Variants in CCM2L observed in about 807,000 individuals in gnomAD.
The protein encoded by CCM2L is cerebral cavernous malformations 2 protein-like.
Under a neutral mutation model 54.1 loss-of-function variants are expected in CCM2L, and 36 were observed. That is an observed-to-expected ratio of 0.67 (90% CI 0.51 to 0.88). The LOEUF (loss-of-function observed/expected upper bound fraction) is 0.88. CCM2L is among the 40% of genes least tolerant of loss of function. CCM2L has a pLI of 0.00. For missense variants in CCM2L, 700 were observed against 812.1 expected (o/e 0.86, Z 1.68); for synonymous variants, 351 against 359.3 (o/e 0.98, Z 0.26).
In CCM2L at chr20:32,018,135, G is replaced by C; in HGVS notation, c.439G>C (p.Ala147Pro). The C allele has an allele frequency of 6.3e-7, 1 of 1,575,088 alleles. No homozygotes were observed. Among genetic ancestry groups the C allele is most frequent in the Non-Finnish European group, 8.6e-7 (1 of 1,160,800 alleles). ...IAAASYLQDD[A>P]LHLLVLKTGL... ...CGCCGCCTCCTACCTGCAGGACGACGCGCTGCACCTGCTAGTGCTCAAGAC... is the reference window on the plus strand; with the variant it reads ...CGCCGCCTCCTACCTGCAGGACGACCCGCTGCACCTGCTAGTGCTCAAGAC... Residue 147 changes from alanine to proline, a missense_variant, in exon 4 of 10, where the codon GCG becomes CCG. Ala to Pro is a conservative substitution (Grantham distance 27). Transcript: ENST00000452892.
At chr20:32,015,465 G>A (rs2064733589) in intron 2 of CCM2L, among the ~76,000 whole-genome samples, 1 of 152,200 alleles carries the variant, frequency 6.6e-6, no homozygotes. Flanking sequence ...GGTAAAGGAA[G>A]GCAAAGGTTT....
At chr20:32,028,949 G>T (rs1469811374) in intron 7 of CCM2L, 46 bp from the exon 8 acceptor site, 2 of 1,610,450 alleles carry the variant, frequency 1.2e-6, no homozygotes, top group Non-Finnish European at 1.7e-6. Flanking sequence ...CTGAGGGCCA[G>T]GAGCTGGAGG....
intron 2 of CCM2L, among the ~76,000 whole-genome samples, chr20:32,015,856 C>CTTTTTT (rs1275720098): frequency 1.1e-5 from 1 of 95,156 alleles, no homozygotes; most frequent in Non-Finnish European, 2.0e-5. Flanking sequence ...AGGAGCTGTA[C>CTTTTTT]TTCTTTTTTT....
In CCM2L at chr20:32,019,331, C is replaced by T. The variant is rs750170622; in HGVS notation, c.855C>T (p.Pro285=). ...GAGGCAGCTGGGAGCGGCGCCACCC[C>T]GGCCCCAACCCGCTCGACCCGCAGG... ...GGGGSWERRH[P]GPNPLDPQDP... The change falls in exon 5 of 10, where the codon CCC becomes CCT. Residue 285 remains proline, a synonymous_variant. Transcript: ENST00000452892. The T allele has an allele frequency of 1.4e-6, 2 of 1,414,810 alleles. No individual in the cohort carries two copies. Among genetic ancestry groups the T allele is most frequent in the Non-Finnish European group, 1.8e-6 (2 of 1,083,338 alleles). 87.6% of individuals were successfully genotyped at this position (1,414,810 alleles called of 1,614,324 possible).
At chr20:32,010,915 C>T (rs1401445399) in intron 1 of CCM2L, among the ~76,000 whole-genome samples, 1 of 152,158 alleles carries the variant, frequency 6.6e-6, no homozygotes. Flanking sequence ...CCTACACAGG[C>T]TTGAGTCTCC....
chr20:32,016,553 G>A (rs925341897), intron 2 of CCM2L, among the ~76,000 whole-genome samples: 3 of 152,108 alleles, frequency 2.0e-5, no homozygotes, highest in Non-Finnish European at 4.4e-5. Flanking sequence ...CTACTGGGGA[G>A]GCTGAGGCAG....
At chr20:32,018,482 C>T (rs866173997) in intron 4 of CCM2L, among the ~76,000 whole-genome samples, 1 of 151,396 alleles carries the variant, frequency 6.6e-6, no homozygotes, top group Admixed American at 6.6e-5. Context: ...GGGCTGGATC[C>T]GCAGTTACCA....
At chr20:32,030,938 G>A in intron 9 of CCM2L, 63 bp from the exon 10 acceptor site, 2 of 1,259,896 alleles carry the variant, frequency 1.6e-6, no homozygotes, top group South Asian at 1.3e-5. Flanking sequence ...CAGAGAGGAC[G>A]CTTCCCCTGT....
Position 32,031,122 on chromosome 20 carries a change from C to G in CCM2L, c.1524C>G (p.Ser508Arg). 4 of 1,304,212 alleles carry G rather than the reference C, an allele frequency of 3.1e-6. No homozygotes were observed. The highest frequency in any genetic ancestry group is 4.0e-6 in the Non-Finnish European group (4 of 988,962). 80.8% of individuals were successfully genotyped at this position (1,304,212 alleles called of 1,614,324 possible). A position where few individuals can be genotyped will look rare whatever the true frequency, so the allele number is the denominator to read the frequency against. The part of the protein sequence containing the change: ...DSFGRIKRSM[S>R]STSASAVRSY... ...TCGGCCGCATCAAGCGCAGCATGAG[C>G]TCCACGTCGGCCTCCGCAGTGCGCA... Residue 508 changes from serine to arginine, a missense_variant, in exon 10 of 10, where the codon AGC becomes AGG. Ser to Arg is a moderately radical substitution (Grantham distance 110). Coordinates refer to ENST00000452892, the MANE Select transcript of CCM2L (RefSeq NM_001365692.1).
At chr20:32,012,653 G>A (rs2064704376) in intron 1 of CCM2L, among the ~76,000 whole-genome samples, 1 of 152,132 alleles carries the variant, frequency 6.6e-6, no homozygotes, top group Non-Finnish European at 1.5e-5. Flanking sequence ...CAACCCAACT[G>A]TACTGAATCA....
At chr20:32,024,910 TGATCAGA>T (rs1277635892) in intron 6 of CCM2L, among the ~76,000 whole-genome samples, 2 of 152,194 alleles carry the variant, frequency 1.3e-5, no homozygotes, top group Non-Finnish European at 2.9e-5. Context: ...GAAGCAACAC[TGATCAGA>T]GATCAGAAAT....
chr20:32,023,278 T>G (rs1396179351), intron 6 of CCM2L, among the ~76,000 whole-genome samples: 2 of 152,230 alleles, frequency 1.3e-5, no homozygotes, highest in South Asian at 2.1e-4. Context: ...CCATCAGTTT[T>G]CATGATGATC....
At chr20:32,024,939 T>A (rs2122356249) in intron 6 of CCM2L, among the ~76,000 whole-genome samples, 1 of 152,364 alleles carries the variant, frequency 6.6e-6, no homozygotes, top group Admixed American at 6.5e-5. Flanking sequence ...GTAGGGCTAA[T>A]AACCAGCTAA....
intron 2 of CCM2L, 86 bp from the exon 3 acceptor site, chr20:32,017,714 C>G: frequency 9.9e-7 from 1 of 1,010,456 alleles, no homozygotes; most frequent in Admixed American, 1.7e-5. Flanking sequence ...TCAATCTATC[C>G]GCACTGCATC....
Position 32,012,728 on chromosome 20 carries a change from C to T in CCM2L, c.31-2176C>T, listed in dbSNP as rs574355521. On this transcript the variant is annotated intron_variant, in intron 1 of 9. Transcript: ENST00000452892. ...GGTCATTTATCACAAGCCCTGGAGG[C>T]AAGGATAGGATCCAGGTCTCCACTG... 6.6e-5 allele frequency among the ~76,000 whole-genome samples: 10 copies of T among 152,286 alleles called. 1 individual carries two copies. Among genetic ancestry groups the T allele is most frequent in the African/African-American group, 2.4e-4 (10 of 41,564 alleles).
At chr20:32,026,548 G>A (rs565041037) in intron 7 of CCM2L, among the ~76,000 whole-genome samples, 1 of 152,108 alleles carries the variant, frequency 6.6e-6, no homozygotes, top group Non-Finnish European at 1.5e-5. Flanking sequence ...GCCATCACTA[G>A]CTGCAAGCAA....
Position 32,022,406 on chromosome 20 carries a change from G to T in CCM2L, c.934-254G>T, listed in dbSNP as rs114842932. ...CTTATCTTAGAAGGGCATCAGGAAG[G>T]CTGATGAATCCTCCACAAATCTGGG... On this transcript the variant is annotated intron_variant, in intron 5 of 9. Transcript: ENST00000452892. Among the ~76,000 whole-genome samples the T allele has an allele frequency of 2.8e-3, 432 of 152,242 alleles. 1 individual carries two copies. Among genetic ancestry groups the T allele is most frequent in the African/African-American group, 1.0e-2 (414 of 41,534 alleles).
Position 32,019,425 on chromosome 20 carries a change from G to T in CCM2L, c.933+16G>T. 6.7e-7 allele frequency: 1 copy of T among 1,486,674 alleles called. No individual in the cohort carries two copies. Among genetic ancestry groups the T allele is most frequent in the Non-Finnish European group, 8.9e-7 (1 of 1,124,118 alleles). 92.1% of individuals were successfully genotyped at this position (1,486,674 alleles called of 1,614,324 possible). ...AGCCAACAGGGTGAGCCCGAGGGCA[G>T]CCTGCTCCCAAAGCCCGGCTTCGGG... On this transcript the variant is annotated intron_variant, in intron 5 of 9. Coordinates refer to ENST00000452892, the MANE Select transcript of CCM2L (RefSeq NM_001365692.1).
At position 32,031,153 on chromosome 20, in the gene CCM2L, G is replaced by C; in HGVS notation, c.1555G>C (p.Asp519His). The C allele has an allele frequency of 7.7e-7, 1 of 1,303,252 alleles. No homozygotes were observed. The highest frequency in any genetic ancestry group is 1.0e-6 in the Non-Finnish European group (1 of 988,626). 80.7% of individuals were successfully genotyped at this position (1,303,252 alleles called of 1,614,324 possible). The change falls in exon 10 of 10, where the codon GAT (aspartate) becomes CAT (histidine). Residue 519 changes from aspartate (D) to histidine (H), a missense_variant. Coordinates refer to ENST00000452892, the MANE Select transcript of CCM2L (RefSeq NM_001365692.1). ...GTCGGCCTCCGCAGTGCGCAGCTAC[G>C]ATGGCGCGGCGCAGCGGCCCGAGGC... is the stretch of plus-strand genomic sequence containing the variant. ...STSASAVRSY[D>H]GAAQRPEAQA...
Sources: gnomAD v4.1 joint callset for allele counts (sites outside exome capture counted in the v4.1 genomes callset) on GRCh38, gnomAD v4.1.1 for gene constraint, MANE v1.5 for transcripts, NCBI Gene and HGNC (gene_info 2026-07-23, HGNC 2026-07-21) for gene names.